Variants in DLGAP2 observed in about 807,000 individuals in gnomAD.
The protein encoded by DLGAP2 is disks large-associated protein 2.
In DLGAP2, 26 loss-of-function variants were observed where a neutral mutation model predicts 100.3. That is an observed-to-expected ratio of 0.26 (90% CI 0.19 to 0.36). The LOEUF (loss-of-function observed/expected upper bound fraction) is 0.36, where lower values mean the gene tolerates loss of function less well. Ranked by LOEUF, DLGAP2 falls within the 10% of genes least tolerant of loss-of-function variation. The pLI is 1.00. For missense variants in DLGAP2, 1,858 were observed against 1,453.2 expected (o/e 1.28, Z -4.53); for synonymous variants, 886 against 630.1 (o/e 1.41, Z -6.08).
At chr8:1,213,754 G>A (rs1388195884) in intron 2 of DLGAP2, among the ~76,000 whole-genome samples, 1 of 152,168 alleles carries the variant, frequency 6.6e-6, no homozygotes, top group Non-Finnish European at 1.5e-5. Context: ...TCCATGAAGT[G>A]CTTTCTGGAC....
chr8:760,164 C>T (rs1821044627), intron 1 of DLGAP2, among the ~76,000 whole-genome samples: 2 of 152,166 alleles, frequency 1.3e-5, no homozygotes, highest in Admixed American at 6.5e-5. Context: ...TCTTCTCTTG[C>T]ATTTCCATCT....
At chr8:749,329 A>G (rs942833172) in intron 1 of DLGAP2, among the ~76,000 whole-genome samples, 20 of 152,204 alleles carry the variant, frequency 1.3e-4, no homozygotes, top group African/African-American at 4.3e-4. Flanking sequence ...TCTGCTAAGT[A>G]TTTAGAAGCT....
At chr8:770,319 C>T (rs575867362) in intron 1 of DLGAP2, among the ~76,000 whole-genome samples, 126 of 152,210 alleles carry the variant, frequency 8.3e-4, no homozygotes, top group African/African-American at 2.4e-3. Flanking sequence ...GCTCCTCCTC[C>T]GTGTCCTCCG....
chr8:1,369,126 C>T (rs1802178734), intron 3 of DLGAP2: 1 of 152,158 alleles, frequency 6.6e-6, no homozygotes, highest in South Asian at 2.1e-4. Flanking sequence ...TGGAATTCCA[C>T]AGTTCTATGT....
chr8:785,375 C>T (rs1230337125), intron 1 of DLGAP2, among the ~76,000 whole-genome samples: 1 of 151,880 alleles, frequency 6.6e-6, no homozygotes, highest in African/African-American at 2.4e-5. Flanking sequence ...CCCTGCACCT[C>T]ATGCCCCTCT....
At chr8:869,910 A>G (rs188782810) in intron 1 of DLGAP2, among the ~76,000 whole-genome samples, 1 of 152,172 alleles carries the variant, frequency 6.6e-6, no homozygotes, top group Admixed American at 6.5e-5. Context: ...CTCTGGAAAG[A>G]GGACTAATCA....
chr8:1,089,941 C>T (rs897942512), intron 2 of DLGAP2, among the ~76,000 whole-genome samples: 10 of 152,204 alleles, frequency 6.6e-5, no homozygotes, highest in African/African-American at 2.2e-4. Flanking sequence ...AAGTCCGTGA[C>T]TTTACTGGAA....
intron 2 of DLGAP2, among the ~76,000 whole-genome samples, chr8:952,139 G>A (rs972072222): frequency 3.3e-5 from 5 of 152,174 alleles, no homozygotes. Flanking sequence ...AGCTCATGGA[G>A]CCTGCATTGA....
At chr8:1,192,922 G>A (rs992763009) in intron 2 of DLGAP2, among the ~76,000 whole-genome samples, 2 of 151,924 alleles carry the variant, frequency 1.3e-5, no homozygotes, top group South Asian at 2.1e-4. Flanking sequence ...AACATGCGGT[G>A]TTTGGTTTTT....
At chr8:1,386,218 G>A (rs1282702541) in intron 3 of DLGAP2, among the ~76,000 whole-genome samples, 1 of 152,174 alleles carries the variant, frequency 6.6e-6, no homozygotes, top group Non-Finnish European at 1.5e-5. Flanking sequence ...AAAGCAGAGT[G>A]GGGAAATGAT....
At chr8:1,686,326 G>C (rs1409028224) in intron 12 of DLGAP2, among the ~76,000 whole-genome samples, 1 of 152,220 alleles carries the variant, frequency 6.6e-6, no homozygotes, top group Non-Finnish European at 1.5e-5. Flanking sequence ...ATTATGTTAA[G>C]TGAGATAAGC....
chr8:1,439,229 C>A (rs1032362161), intron 3 of DLGAP2, among the ~76,000 whole-genome samples: 1 of 152,168 alleles, frequency 6.6e-6, no homozygotes, highest in Non-Finnish European at 1.5e-5. Flanking sequence ...AGCATGGTCA[C>A]CGGCGCCAGG....
intron 1 of DLGAP2, chr8:740,265 C>G (rs1000058234): frequency 5.3e-5 from 8 of 152,230 alleles, no homozygotes; most frequent in African/African-American, 1.9e-4. Flanking sequence ...TCTAAGTCAA[C>G]TTTTCATAGT....
intron 3 of DLGAP2, among the ~76,000 whole-genome samples, chr8:1,444,555 C>A (rs1797928195): frequency 6.6e-6 from 1 of 152,046 alleles, no homozygotes; most frequent in Non-Finnish European, 1.5e-5. Flanking sequence ...GTGCCTGATC[C>A]TTCAAAGAGC....
At chr8:1,013,712 CCAGGACAGACGACGCCTCCACTG>C in intron 2 of DLGAP2, among the ~76,000 whole-genome samples, 1 of 56,684 alleles carries the variant, frequency 1.8e-5, no homozygotes, top group Admixed American at 1.9e-4. Context: ...GTGTGTATGA[CCAGGACAGACGACGCCTCCACTG>C]TGTGTGTGAC....
At chr8:805,262 C>G (rs58517751) in intron 1 of DLGAP2, among the ~76,000 whole-genome samples, 1 of 152,184 alleles carries the variant, frequency 6.6e-6, no homozygotes, top group Non-Finnish European at 1.5e-5. Flanking sequence ...CTGTTCCCAA[C>G]TCCATGACCA....
At chr8:1,074,045 A>C (rs1006641001) in intron 2 of DLGAP2, among the ~76,000 whole-genome samples, 2 of 142,456 alleles carry the variant, frequency 1.4e-5, no homozygotes, top group Non-Finnish European at 3.0e-5. Flanking sequence ...CATATTCAGG[A>C]TTCACTGTCA....
chr8:1,437,229 C>T (rs1797666540), intron 3 of DLGAP2, among the ~76,000 whole-genome samples: 1 of 151,844 alleles, frequency 6.6e-6, no homozygotes, highest in Non-Finnish European at 1.5e-5. Context: ...CCATCCGGGT[C>T]TGCGTTCAGC....
At chr8:1,489,102 C>G (rs1016187635) in intron 3 of DLGAP2, among the ~76,000 whole-genome samples, 2 of 152,182 alleles carry the variant, frequency 1.3e-5, no homozygotes, top group Non-Finnish European at 2.9e-5. Flanking sequence ...TCCAGAGTTG[C>G]TTTTCTAGAT....
Sources: gnomAD v4.1 joint callset for allele counts (sites outside exome capture counted in the v4.1 genomes callset) on GRCh38, gnomAD v4.1.1 for gene constraint, MANE v1.5 for transcripts, NCBI Gene and HGNC (gene_info 2026-07-23, HGNC 2026-07-21) for gene names.